KIAA1958: variants seen among roughly 807,000 people sequenced by gnomAD.
KIAA1958 encodes the protein uncharacterized protein KIAA1958.
Under a neutral mutation model 47.2 loss-of-function variants are expected in KIAA1958, and 14 were observed. The observed-to-expected ratio is 0.30, with a 90% confidence interval of 0.20 to 0.46. KIAA1958 has a LOEUF of 0.46. Among genes scored for constraint, KIAA1958 ranks in the 20% least tolerant of loss-of-function variants. The pLI, the probability that KIAA1958 is intolerant of heterozygous loss-of-function variation, is 1.00. For missense variants in KIAA1958, 803 were observed against 909.2 expected, an observed-to-expected ratio of 0.88 and a Z score of 1.50; for synonymous variants, 354 against 353.3, an observed-to-expected ratio of 1.00 and a Z score of -0.02.
intron 2 of KIAA1958, among the ~76,000 whole-genome samples, chr9:112,592,314 A>C (rs796374922): frequency 1.3e-5 from 2 of 152,342 alleles, no homozygotes; most frequent in African/African-American, 4.8e-5. Context: ...AACTGCAGTG[A>C]GCCCAGATCA....
At chr9:112,515,093 G>GCC (rs1296151237) in intron 1 of KIAA1958, among the ~76,000 whole-genome samples, 1 of 44,530 alleles carries the variant, frequency 2.2e-5, no homozygotes, top group African/African-American at 1.1e-4. Flanking sequence ...GGGGGGGTCG[G>GCC]CCCCCCCGCC....
Position 112,574,451 on chromosome 9 carries a change from A to T in KIAA1958, c.371A>T (p.Tyr124Phe). Residue 124 changes from tyrosine (Y) to phenylalanine (F), a missense_variant, in exon 2 of 4, where the codon TAC becomes TTC. This residue lies in a region of KIAA1958 where 761 missense variants were observed against 829.3 expected (regional missense o/e 0.92). Transcript: ENST00000337530. ...NRTRDSCDFS[Y>F]CSEPSELDET... ...ACCAGAGACTCTTGTGACTTCTCCT[A>T]CTGTAGTGAGCCCTCTGAACTGGAT... is the stretch of plus-strand genomic sequence containing the variant. The T allele has an allele frequency of 6.2e-7, 1 of 1,614,106 alleles. No individual in the cohort carries two copies. Among genetic ancestry groups the T allele is most frequent in the Non-Finnish European group, 8.5e-7 (1 of 1,179,976 alleles).
intron 2 of KIAA1958, among the ~76,000 whole-genome samples, chr9:112,586,265 T>C (rs1012752841): frequency 6.6e-6 from 1 of 152,188 alleles, no homozygotes; most frequent in Non-Finnish European, 1.5e-5. Context: ...AAATTAAAAG[T>C]GTAGAGGCTA....
intron 2 of KIAA1958, among the ~76,000 whole-genome samples, chr9:112,637,487 C>T (rs1836823737): frequency 6.6e-6 from 1 of 152,028 alleles, no homozygotes; most frequent in African/African-American, 2.4e-5. Context: ...AAGCGACTCT[C>T]CTGCCTCAGC....
In KIAA1958 at chr9:112,668,786, T is replaced by C. The variant is rs1837383823; in HGVS notation, c.*8717T>C. 1 of 152,208 alleles carries C rather than the reference T, an allele frequency of 6.6e-6. No homozygotes were observed. The highest frequency in any genetic ancestry group is 1.5e-5 in the Non-Finnish European group (1 of 68,040). 9.4% of individuals were successfully genotyped at this position (152,208 alleles called of 1,614,324 possible). A position where few individuals can be genotyped will look rare whatever the true frequency, so the allele number is the denominator to read the frequency against. On this transcript the variant is annotated 3_prime_UTR_variant, in exon 4 of 4. Coordinates refer to ENST00000337530, the MANE Select transcript of KIAA1958 (RefSeq NM_133465.4). ...AGAGCAAAACATCTTCCCAAAGAGATGGAGACAATCTCTTCTGGGTAGATT... is the reference window on the plus strand; with the variant it reads ...AGAGCAAAACATCTTCCCAAAGAGACGGAGACAATCTCTTCTGGGTAGATT...
chr9:112,535,104 G>A (rs138364718), intron 1 of KIAA1958, among the ~76,000 whole-genome samples: 98 of 152,100 alleles, frequency 6.4e-4, no homozygotes, highest in African/African-American at 2.2e-3. Flanking sequence ...ATTTTTTATG[G>A]TTGGAACACT....
chr9:112,525,741 G>A (rs971484990), intron 1 of KIAA1958, among the ~76,000 whole-genome samples: 1 of 151,596 alleles, frequency 6.6e-6, no homozygotes, highest in African/African-American at 2.4e-5. Context: ...AAGCCACATT[G>A]TGTCCTTGAT....
At chr9:112,521,995 G>T (rs908524801) in intron 1 of KIAA1958, among the ~76,000 whole-genome samples, 1 of 30,776 alleles carries the variant, frequency 3.2e-5, no homozygotes, top group African/African-American at 9.9e-5. Context: ...ATTTTGAGAC[G>T]AGTTTCGCTC....
intron 3 of KIAA1958, among the ~76,000 whole-genome samples, chr9:112,651,358 C>A (rs1837051960): frequency 6.7e-6 from 1 of 148,984 alleles, no homozygotes; most frequent in East Asian, 1.9e-4. Flanking sequence ...ATATTTAATT[C>A]TATATATATA....
intron 1 of KIAA1958, among the ~76,000 whole-genome samples, chr9:112,509,556 C>G (rs1834289521): frequency 6.6e-6 from 1 of 152,178 alleles, no homozygotes; most frequent in African/African-American, 2.4e-5. Context: ...TGAGGACATT[C>G]ATTATCACCA....
At chr9:112,540,116 T>C (rs1228084934) in intron 1 of KIAA1958, among the ~76,000 whole-genome samples, 2 of 152,236 alleles carry the variant, frequency 1.3e-5, no homozygotes, top group Non-Finnish European at 2.9e-5. Context: ...GAAAGCAATA[T>C]GCATTATTTT....
chr9:112,658,984 C>T (rs1227445073), intron 3 of KIAA1958, among the ~76,000 whole-genome samples: 5 of 129,822 alleles, frequency 3.9e-5, no homozygotes, highest in Admixed American at 8.8e-5. Context: ...CACGCCACTG[C>T]ACTCCAGCCT....
chr9:112,545,116 A>C (rs1371284636), intron 1 of KIAA1958, among the ~76,000 whole-genome samples: 1 of 152,190 alleles, frequency 6.6e-6, no homozygotes, highest in African/African-American at 2.4e-5. Flanking sequence ...AAACTTCCAG[A>C]ATCATCATGA....
intron 1 of KIAA1958, among the ~76,000 whole-genome samples, chr9:112,570,888 G>A (rs1002414315): frequency 1.3e-5 from 2 of 152,222 alleles, no homozygotes; most frequent in Non-Finnish European, 2.9e-5. Flanking sequence ...GGAAGCTAAT[G>A]ATGTGACTCT....
At chr9:112,617,850 T>TC (rs772492266) in intron 2 of KIAA1958, 588 of 1,513,664 alleles carry the variant, frequency 3.9e-4, no homozygotes, top group East Asian at 1.5e-3. Flanking sequence ...TCTCTATCCC[T>TC]CCCCCCCCAA....
intron 2 of KIAA1958, among the ~76,000 whole-genome samples, chr9:112,631,101 G>C (rs1027314496): frequency 8.5e-5 from 13 of 152,094 alleles, no homozygotes; most frequent in African/African-American, 3.1e-4. Flanking sequence ...TTTTGAAGAG[G>C]ATTTGATGTG....
At chr9:112,627,836 C>T (rs1227263095) in intron 2 of KIAA1958, among the ~76,000 whole-genome samples, 2 of 152,340 alleles carry the variant, frequency 1.3e-5, no homozygotes, top group South Asian at 4.1e-4. Flanking sequence ...CACTTGTTAA[C>T]TTTTACATTC....
chr9:112,502,700 C>A (rs562853836), intron 1 of KIAA1958, among the ~76,000 whole-genome samples: 2 of 152,180 alleles, frequency 1.3e-5, no homozygotes, highest in Non-Finnish European at 2.9e-5. Flanking sequence ...TGGTGCAACC[C>A]CACACCGTTT....
At chr9:112,585,892 A>G (rs1456676831) in intron 2 of KIAA1958, among the ~76,000 whole-genome samples, 1 of 152,208 alleles carries the variant, frequency 6.6e-6, no homozygotes, top group Non-Finnish European at 1.5e-5. Flanking sequence ...AGCAGTTTGA[A>G]GAGTTTTGAA....
Sources: gnomAD v4.1 joint callset for allele counts (sites outside exome capture counted in the v4.1 genomes callset) on GRCh38, gnomAD v4.1.1 for gene constraint, gnomAD v4.1.1 regional missense constraint, MANE v1.5 for transcripts, NCBI Gene and HGNC (gene_info 2026-07-23, HGNC 2026-07-21) for gene names.